Variants in LRRC4C observed in about 807,000 individuals in gnomAD.
The protein encoded by LRRC4C is leucine-rich repeat-containing protein 4C.
LRRC4C carries 5 observed loss-of-function variants against 33.6 expected under a neutral mutation model. The ratio of observed to expected loss-of-function variants is 0.15; its 90% CI spans 0.08 to 0.31. LRRC4C has a LOEUF of 0.31. Among genes scored for constraint, LRRC4C ranks in the 10% least tolerant of loss-of-function variants. The pLI, the probability that LRRC4C is intolerant of heterozygous loss-of-function variation, is 1.00. For synonymous variants in LRRC4C, 329 were observed against 302.0 expected (o/e 1.09, Z -0.93); for missense variants, 560 against 796.7 (o/e 0.70, Z 3.58).
chr11:40,601,521 A>G (rs1442915214), intron 3 of LRRC4C, among the ~76,000 whole-genome samples: 1 of 152,242 alleles, frequency 6.6e-6, no homozygotes, highest in Non-Finnish European at 1.5e-5. Flanking sequence ...ATAAATCTGT[A>G]TTAAAGGAAA....
intron 5 of LRRC4C, among the ~76,000 whole-genome samples, chr11:40,143,765 C>A (rs963598087): frequency 6.6e-6 from 1 of 152,126 alleles, no homozygotes; most frequent in Non-Finnish European, 1.5e-5. Context: ...TAAAACATCT[C>A]AAAACTAGAG....
chr11:40,659,843 C>T lies in LRRC4C; in HGVS notation c.-406-11565G>A, dbSNP rs569915420. Reference sequence around the variant, plus strand: ...CGAGAAAACTCCTCTCCACCTTGCTCACCCTCCAGTTGTCCATGTACCTCA... The same window carrying T: ...CGAGAAAACTCCTCTCCACCTTGCTTACCCTCCAGTTGTCCATGTACCTCA... On this transcript the variant is annotated intron_variant, in intron 2 of 6. Transcript: ENST00000528697. 4.6e-5 allele frequency among the ~76,000 whole-genome samples: 7 copies of T among 152,312 alleles called. No homozygotes were observed. In the South Asian group the frequency reaches 1.5e-3, roughly 32 times the overall value.
intron 1 of LRRC4C, among the ~76,000 whole-genome samples, chr11:41,378,350 T>C (rs1380880378): frequency 6.6e-6 from 1 of 152,210 alleles, no homozygotes; most frequent in African/African-American, 2.4e-5. Flanking sequence ...CATTTTTTTC[T>C]TTTGTCTCTG....
At chr11:40,129,691 C>T (rs1299539198) in intron 6 of LRRC4C, among the ~76,000 whole-genome samples, 1 of 152,112 alleles carries the variant, frequency 6.6e-6, no homozygotes, top group African/African-American at 2.4e-5. Context: ...TTCTTGACCA[C>T]CACATGCCTG....
chr11:40,925,510 A>G (rs983681496), intron 2 of LRRC4C, among the ~76,000 whole-genome samples: 4 of 152,220 alleles, frequency 2.6e-5, no homozygotes, highest in East Asian at 1.9e-4. Flanking sequence ...GTCACGCAGC[A>G]CATATAAGAA....
chr11:40,245,792 C>T (rs1290209829), intron 4 of LRRC4C, among the ~76,000 whole-genome samples: 8 of 151,886 alleles, frequency 5.3e-5, no homozygotes, highest in Admixed American at 5.3e-4. Flanking sequence ...AAATAAAATG[C>T]TACCACTAGC....
intron 2 of LRRC4C, among the ~76,000 whole-genome samples, chr11:40,673,483 T>C (rs1207098131): frequency 1.3e-5 from 2 of 152,152 alleles, no homozygotes; most frequent in Non-Finnish European, 1.5e-5. Flanking sequence ...AGAAAAGTAA[T>C]CCTTTAATTT....
intron 3 of LRRC4C, among the ~76,000 whole-genome samples, chr11:40,538,188 C>A (rs924902853): frequency 2.0e-5 from 3 of 152,106 alleles, no homozygotes; most frequent in African/African-American, 4.8e-5. Flanking sequence ...TTCTAACATG[C>A]AACCAAGTCT....
chr11:40,465,736 A>G (rs992999653), intron 3 of LRRC4C, among the ~76,000 whole-genome samples: 2 of 152,040 alleles, frequency 1.3e-5, no homozygotes, highest in Non-Finnish European at 2.9e-5. Context: ...GCAAATTAAA[A>G]CCAGAGTAAG....
At chr11:40,325,046 T>C (rs768238313) in intron 3 of LRRC4C, among the ~76,000 whole-genome samples, 14 of 152,292 alleles carry the variant, frequency 9.2e-5, no homozygotes, top group Admixed American at 3.3e-4. Context: ...TAGTTACCAT[T>C]ATTACTTTAT....
At position 41,383,046 on chromosome 11, in the gene LRRC4C, G is replaced by A. The variant is rs570305349; in HGVS notation, c.-496+76385C>T. Among the ~76,000 whole-genome samples the A allele has an allele frequency of 2.0e-5, 3 of 152,110 alleles. No homozygotes were observed. In the South Asian group the frequency reaches 6.2e-4, roughly 32 times the overall value. On this transcript the variant is annotated intron_variant, in intron 1 of 6. Coordinates refer to ENST00000528697, the MANE Select transcript of LRRC4C (RefSeq NM_001258419.2). ...CAGGGTTTTAGCATTAAAATGAGGT[G>A]GAATGTGACTCTATATCAAAAGGCG...
rs576661743 is a variant in LRRC4C at position 41,390,849 on chromosome 11, C to A, written c.-496+68582G>T. Among the ~76,000 whole-genome samples the A allele has an allele frequency of 3.3e-5, 5 of 151,944 alleles. No individual in the cohort carries two copies. In the South Asian group the frequency reaches 1.0e-3, roughly 32 times the overall value. ...GGGCAAGGACTAAGTTTGTCTTCAT[C>A]ACCCACTGTGTTCCTGGCAAAGTAC... On this transcript the variant is annotated intron_variant, in intron 1 of 6. Transcript: ENST00000528697.
intron 3 of LRRC4C, among the ~76,000 whole-genome samples, chr11:40,342,463 G>C (rs1408729165): frequency 6.6e-6 from 1 of 151,976 alleles, no homozygotes; most frequent in Non-Finnish European, 1.5e-5. Context: ...GTGAGATTCT[G>C]TCTCAAAAAA....
At chr11:41,443,089 A>ATTTTTTTTTTT in intron 1 of LRRC4C, among the ~76,000 whole-genome samples, 16 of 105,992 alleles carry the variant, frequency 1.5e-4, no homozygotes, top group East Asian at 3.0e-4. Flanking sequence ...TGTTTGCTTC[A>ATTTTTTTTTTT]TTTTTTTTTT....
chr11:41,093,288 A>T (rs1415061820), intron 1 of LRRC4C, among the ~76,000 whole-genome samples: 2 of 152,360 alleles, frequency 1.3e-5, no homozygotes, highest in Middle Eastern at 3.4e-3. Flanking sequence ...CTGATTGTTC[A>T]TCAGCAGCAT....
At chr11:41,418,582 A>G (rs1286330126) in intron 1 of LRRC4C, among the ~76,000 whole-genome samples, 2 of 152,034 alleles carry the variant, frequency 1.3e-5, no homozygotes, top group Non-Finnish European at 2.9e-5. Flanking sequence ...GATAGAGTAA[A>G]TATTCAGAGA....
intron 2 of LRRC4C, among the ~76,000 whole-genome samples, chr11:40,801,667 G>A (rs1218181683): frequency 1.3e-5 from 2 of 152,022 alleles, no homozygotes; most frequent in Non-Finnish European, 2.9e-5. Flanking sequence ...ATCTCTCACA[G>A]TTACTTTTAG....
chr11:41,452,957 G>A (rs556600411), intron 1 of LRRC4C, among the ~76,000 whole-genome samples: 63 of 152,054 alleles, frequency 4.1e-4, no homozygotes, highest in African/African-American at 1.4e-3. Flanking sequence ...ACCTTTTACT[G>A]AGTACCAATT....
At chr11:40,759,108 A>T (rs907559522) in intron 2 of LRRC4C, among the ~76,000 whole-genome samples, 2 of 147,432 alleles carry the variant, frequency 1.4e-5, no homozygotes, top group African/African-American at 4.9e-5. Flanking sequence ...AATATATATA[A>T]AAATATCTTC....
Sources: gnomAD v4.1 joint callset for allele counts (sites outside exome capture counted in the v4.1 genomes callset) on GRCh38, gnomAD v4.1.1 for gene constraint, MANE v1.5 for transcripts, NCBI Gene and HGNC (gene_info 2026-07-23, HGNC 2026-07-21) for gene names.